SLC25A18: variants seen among roughly 807,000 people sequenced by gnomAD.
SLC25A18 encodes the protein mitochondrial glutamate carrier 2.
In SLC25A18, 24 loss-of-function variants were observed where a neutral mutation model predicts 31.1. The ratio of observed to expected loss-of-function variants is 0.77; its 90% CI spans 0.56 to 1.08. The LOEUF (loss-of-function observed/expected upper bound fraction) is 1.08, where lower values mean the gene tolerates loss of function less well. SLC25A18 is among the 50% of genes least tolerant of loss of function. The probability of loss-of-function intolerance (pLI) is 0.00; values close to 1 mark genes in which losing one functional copy is unlikely to be tolerated. For synonymous variants in SLC25A18, 173 were observed against 161.9 expected, an observed-to-expected ratio of 1.07 and a Z score of -0.52; for missense variants, 371 against 418.5, an observed-to-expected ratio of 0.89 and a Z score of 0.99.
intron 5 of SLC25A18, chr22:17,581,796 C>G (rs1268768424): frequency 1.4e-5 from 3 of 211,006 alleles, no homozygotes; most frequent in Non-Finnish European, 2.9e-5. Context: ...TGCGGGGTCC[C>G]CAGCCAGGAG....
At position 17,579,814 on chromosome 22, in the gene SLC25A18, AC is replaced by A. The variant is rs1216358275; in HGVS notation, c.-128del. ...TGGCTCGGGCCAGGCTGCACTCAAA[AC>A]CCGTGCTCTGTCCACACTGCTACGG... On this transcript the variant is annotated 5_prime_UTR_variant, in exon 3 of 11. Coordinates refer to ENST00000327451, the MANE Select transcript of SLC25A18 (RefSeq NM_031481.3). 4 of 1,435,980 alleles carry A rather than the reference AC, an allele frequency of 2.8e-6. No individual in the cohort carries two copies. The Admixed American group carries it at 1.1e-4, about 40-fold the overall frequency. The allele number at this position is 1,435,980 out of a possible 1,614,324, so 89.0% of individuals were successfully genotyped here.
At position 17,583,070 on chromosome 22, in the gene SLC25A18, G is replaced by A. The variant is rs143996045; in HGVS notation, c.291-346G>A. On this transcript the variant is annotated intron_variant, in intron 6 of 10. Transcript: ENST00000327451. Reference sequence around the variant, plus strand: ...GGCGTGGGTCACAGAGCGAGACCTCGTCTCAGGAAAAACAAATCAGCCCCC... The same window carrying A: ...GGCGTGGGTCACAGAGCGAGACCTCATCTCAGGAAAAACAAATCAGCCCCC... 4.0e-3 allele frequency among the ~76,000 whole-genome samples: 602 copies of A among 152,192 alleles called. 6 individuals carry two copies. Among genetic ancestry groups the A allele is most frequent in the African/African-American group, 0.014 (576 of 41,514 alleles).
chr22:17,571,711 C>T (rs1174615961), intron 2 of SLC25A18, among the ~76,000 whole-genome samples: 1 of 149,690 alleles, frequency 6.7e-6, no homozygotes, highest in Admixed American at 6.7e-5. Context: ...GCCAAGGTCA[C>T]ACCACCGCAC....
At chr22:17,564,850 C>A (rs1193650634) in intron 1 of SLC25A18, among the ~76,000 whole-genome samples, 1 of 44,266 alleles carries the variant, frequency 2.3e-5, no homozygotes, top group East Asian at 4.4e-4. Context: ...GAGCAAGACT[C>A]TGTCTCCAAA....
intron 8 of SLC25A18, 162 bp from the exon 9 acceptor site, chr22:17,587,763 C>G: frequency 1.2e-6 from 1 of 801,388 alleles, no homozygotes; most frequent in Admixed American, 2.7e-5. Context: ...CTTTTGTCCC[C>G]TGCTGTCCCT....
chr22:17,589,581 T>G lies in SLC25A18; in HGVS notation c.731-9T>G, dbSNP rs1298223868. The G allele has an allele frequency of 6.2e-7, 1 of 1,613,884 alleles. No individual in the cohort carries two copies. The highest frequency in any genetic ancestry group is 1.7e-5 in the Admixed American group (1 of 60,018). ...GTTCACTACTTACTTTAACTTTTACTTGATTTAGTTCTGAAAACTCGAATC... is the reference window on the plus strand; with the variant it reads ...GTTCACTACTTACTTTAACTTTTACGTGATTTAGTTCTGAAAACTCGAATC... On this transcript the variant is annotated splice_polypyrimidine_tract_variant and intron_variant, in intron 9 of 10. Transcript: ENST00000327451.
chr22:17,579,378 C>T (rs1370693336), intron 2 of SLC25A18, among the ~76,000 whole-genome samples: 5 of 152,124 alleles, frequency 3.3e-5, no homozygotes, highest in South Asian at 4.1e-4. Flanking sequence ...TGAGCCACCA[C>T]GCCCGGCCAT....
rs748224035 is a variant in SLC25A18 at position 17,587,985 on chromosome 22, C to T, written c.636C>T (p.Phe212=). The change falls in exon 9 of 11, where the codon TTC becomes TTT. Residue 212 remains phenylalanine (F), a synonymous_variant. Transcript: ENST00000327451. ...TTGCCAACCTTAACAACCTGGGGTT[C>T]AACGAGCTCGCCGGTAAGGCGTCCT... ...PLFANLNNLG[F]NELAGKASFA... The T allele has an allele frequency of 6.2e-7, 1 of 1,614,232 alleles. No homozygotes were observed. Among genetic ancestry groups the T allele is most frequent in the Non-Finnish European group, 8.5e-7 (1 of 1,180,042 alleles).
chr22:17,581,616 C>T, intron 5 of SLC25A18: 2 of 580,276 alleles, frequency 3.4e-6, no homozygotes, highest in Non-Finnish European at 6.1e-6. Context: ...GCACACCCCC[C>T]GCCACCGCCT....
intron 7 of SLC25A18, among the ~76,000 whole-genome samples, chr22:17,586,914 G>A (rs1407264896): frequency 6.6e-6 from 1 of 152,180 alleles, no homozygotes; most frequent in Admixed American, 6.5e-5. Flanking sequence ...CTTGGGAAGT[G>A]TTCTCAGCAT....
At chr22:17,584,546 G>A (rs778697979) in intron 7 of SLC25A18, among the ~76,000 whole-genome samples, 38 of 151,798 alleles carry the variant, frequency 2.5e-4, no homozygotes, top group Non-Finnish European at 4.4e-4. Flanking sequence ...TTGGGAGGCC[G>A]AGGCAGGCGG....
At chr22:17,588,480 C>G (rs2057617556) in intron 9 of SLC25A18, 1 of 183,586 alleles carries the variant, frequency 5.4e-6, no homozygotes, top group South Asian at 1.2e-4. Flanking sequence ...AACCCCGTCT[C>G]TACTAAAAAT....
chr22:17,577,173 C>A lies in SLC25A18; in HGVS notation c.-200-2572C>A, dbSNP rs1176414468. Among the ~76,000 whole-genome samples the A allele has an allele frequency of 3.4e-4, 51 of 152,144 alleles. 1 individual carries two copies. The highest frequency in any genetic ancestry group is 3.3e-3 in the Admixed American group (50 of 15,268). On this transcript the variant is annotated intron_variant, in intron 2 of 10. Coordinates refer to ENST00000327451, the MANE Select transcript of SLC25A18 (RefSeq NM_031481.3). ...AAGTAGCTGGGACGACAGGCGCCCA[C>A]CACCACACCCGGCCAATTTTTTGTA... is the stretch of plus-strand genomic sequence containing the variant.
chr22:17,568,821 A>G (rs987067157), intron 1 of SLC25A18, among the ~76,000 whole-genome samples: 6 of 151,856 alleles, frequency 4.0e-5, no homozygotes, highest in Non-Finnish European at 8.8e-5. Flanking sequence ...TCGGCCTCCC[A>G]AAGTTCTGGG....
intron 3 of SLC25A18, 184 bp from the exon 4 acceptor site, chr22:17,580,853 C>T (rs879944575): frequency 3.1e-5 from 41 of 1,331,292 alleles, no homozygotes; most frequent in Non-Finnish European, 3.8e-5. Flanking sequence ...AGATGCCTCA[C>T]CCGGGTGAGT....
chr22:17,577,815 G>C (rs1456841400), intron 2 of SLC25A18, among the ~76,000 whole-genome samples: 1 of 149,988 alleles, frequency 6.7e-6, no homozygotes, highest in Non-Finnish European at 1.5e-5. Flanking sequence ...TCCTGACCTT[G>C]TGATCCTCCC....
chr22:17,567,188 T>G (rs2056959376), intron 1 of SLC25A18, among the ~76,000 whole-genome samples: 2 of 152,162 alleles, frequency 1.3e-5, no homozygotes, highest in African/African-American at 4.8e-5. Flanking sequence ...TTACAAAGAA[T>G]TAGCATGTGA....
Position 17,579,746 on chromosome 22 carries a change from G to C in SLC25A18, c.-199G>C. 1 of 1,389,224 alleles carries C rather than the reference G, an allele frequency of 7.2e-7. No individual in the cohort carries two copies. Among genetic ancestry groups the C allele is most frequent in the Non-Finnish European group, 9.3e-7 (1 of 1,073,208 alleles). The allele number at this position is 1,389,224 out of a possible 1,614,324, so 86.1% of individuals were successfully genotyped here. A position where few individuals can be genotyped will look rare whatever the true frequency, so the allele number is the denominator to read the frequency against. On this transcript the variant is annotated splice_region_variant and 5_prime_UTR_variant, in exon 3 of 11. Transcript: ENST00000327451. ...AGTGTTTCTCTGACTACTTTGCAGG[G>C]GAGGAAGCCGCAGCCCAAGGAGGTC... is the stretch of plus-strand genomic sequence containing the variant.
chr22:17,572,831 C>CG (rs1475846014), intron 2 of SLC25A18, among the ~76,000 whole-genome samples: 1 of 151,360 alleles, frequency 6.6e-6, no homozygotes, highest in East Asian at 2.0e-4. Context: ...TTAGTAGAGA[C>CG]GGGGTTTCAC....
Sources: gnomAD v4.1 joint callset for allele counts (sites outside exome capture counted in the v4.1 genomes callset) on GRCh38, gnomAD v4.1.1 for gene constraint, MANE v1.5 for transcripts, NCBI Gene and HGNC (gene_info 2026-07-23, HGNC 2026-07-21) for gene names.